Variants in SAMSN1 observed in about 807,000 individuals in gnomAD.
The protein encoded by SAMSN1 is SAM domain, SH3 domain and nuclear localization signals 1.
In SAMSN1, 31 loss-of-function variants were observed where a neutral mutation model predicts 42.0. The observed-to-expected ratio is 0.74, with a 90% CI of 0.55 to 1.00. SAMSN1 has a LOEUF of 1.00. SAMSN1 is among the 50% of genes least tolerant of loss of function. The probability of loss-of-function intolerance (pLI) is 0.00; values close to 1 mark genes in which losing one functional copy is unlikely to be tolerated. For synonymous variants in SAMSN1, 178 were observed against 151.9 expected (o/e 1.17, Z -1.26); for missense variants, 464 against 439.4 (o/e 1.06, Z -0.50).
chr21:14,508,906 G>A (rs1461606879), intron 5 of SAMSN1, among the ~76,000 whole-genome samples: 2 of 152,002 alleles, frequency 1.3e-5, no homozygotes, highest in Non-Finnish European at 2.9e-5. Context: ...GAGGTGGGTG[G>A]ATCACGAGGT....
upstream of SAMSN1, chr21:14,583,761 T>C (rs1412987581): frequency 7.0e-6 from 5 of 717,796 alleles, no homozygotes; most frequent in Non-Finnish European, 7.8e-6. Flanking sequence ...ACAGGGTCAC[T>C]GCCTGATTTT....
At chr21:14,591,078 A>C (rs1982068676) in intron 7 of SAMSN1, among the ~76,000 whole-genome samples, 1 of 152,204 alleles carries the variant, frequency 6.6e-6, no homozygotes, top group Non-Finnish European at 1.5e-5. Context: ...ATATTGATTG[A>C]AGAAATAATT....
rs1012580038 is a variant in SAMSN1 at position 14,588,940 on chromosome 21, TAATGTA to T, written c.465+5067_465+5072del. Among the ~76,000 whole-genome samples, 101 of 152,284 alleles carry T rather than the reference TAATGTA, an allele frequency of 6.6e-4. 1 individual carries two copies. The highest frequency in any genetic ancestry group is 2.8e-3 in the Admixed American group (43 of 15,296). ...TTCCATCAAAATGGTAATTATATGT[TAATGTA>T]AATGTAATTTTTCATATGTATATAT... On this transcript the variant is annotated intron_variant, in intron 7 of 15. Transcript: ENST00000647101.
At chr21:14,502,548 T>C (rs7278813) in intron 5 of SAMSN1, among the ~76,000 whole-genome samples, 10,916 of 152,186 alleles carry the variant, frequency 0.072, 1,206 homozygotes, top group African/African-American at 0.24. Flanking sequence ...GGAATTCCTG[T>C]TGTGTCCTGT....
intron 2 of SAMSN1, among the ~76,000 whole-genome samples, chr21:14,580,251 G>C (rs1313635145): frequency 6.6e-6 from 1 of 152,188 alleles, no homozygotes; most frequent in Non-Finnish European, 1.5e-5. Context: ...ATTCAGTTTG[G>C]CAGTTCGGCA....
chr21:14,500,385 A>T, intron 6 of SAMSN1, 144 bp downstream of exon 6: 1 of 659,906 alleles, frequency 1.5e-6, no homozygotes, highest in Non-Finnish European at 2.6e-6. Context: ...AATAAAAGAG[A>T]AATAAGAGCT....
At chr21:14,563,178 A>G (rs1981000518) in intron 2 of SAMSN1, among the ~76,000 whole-genome samples, 1 of 151,874 alleles carries the variant, frequency 6.6e-6, no homozygotes, top group East Asian at 1.9e-4. Context: ...ACCTCCTGAG[A>G]CACAACATGT....
intron 3 of SAMSN1, among the ~76,000 whole-genome samples, chr21:14,614,476 G>A (rs929463264): frequency 2.6e-5 from 4 of 152,026 alleles, no homozygotes; most frequent in African/African-American, 9.7e-5. Flanking sequence ...CATGTGTGTG[G>A]GTAAACACAC....
Position 14,581,487 on chromosome 21 carries a change from T to G in SAMSN1, c.261+649A>C, listed in dbSNP as rs1981728508. Among the ~76,000 whole-genome samples the G allele has an allele frequency of 3.4e-5, 5 of 147,938 alleles. No individual in the cohort carries two copies. The South Asian group carries it at 1.1e-3, about 33-fold the overall frequency. On this transcript the variant is annotated intron_variant, in intron 2 of 8. Transcript: ENST00000285670. ...CATTCTTCCGCCTCAGCCTCCCGAGTAGCTGGAACTACAGGTGCCCGCCAC... is the reference window on the plus strand; with the variant it reads ...CATTCTTCCGCCTCAGCCTCCCGAGGAGCTGGAACTACAGGTGCCCGCCAC...
At chr21:14,562,597 T>G (rs1038964095) in intron 2 of SAMSN1, among the ~76,000 whole-genome samples, 8 of 151,226 alleles carry the variant, frequency 5.3e-5, no homozygotes, top group African/African-American at 1.9e-4. Flanking sequence ...ATTTTGATAT[T>G]GATATTTTTA....
At chr21:14,585,895 G>A (rs147557001), upstream of SAMSN1, among the ~76,000 whole-genome samples, 36 of 152,126 alleles carry the variant, frequency 2.4e-4, no homozygotes, top group East Asian at 6.8e-3. Flanking sequence ...ATATCCAAGG[G>A]ATGAAATTTA....
At chr21:14,645,527 C>T (rs151041201) in intron 1 of SAMSN1, among the ~76,000 whole-genome samples, 37 of 152,322 alleles carry the variant, frequency 2.4e-4, no homozygotes, top group Non-Finnish European at 4.4e-4. Flanking sequence ...TCTGGAAAGC[C>T]TCCTCAAGAG....
chr21:14,494,160 C>T (rs1600858100), intron 7 of SAMSN1, among the ~76,000 whole-genome samples: 1 of 152,318 alleles, frequency 6.6e-6, no homozygotes, highest in East Asian at 1.9e-4. Context: ...GGCGATCCCT[C>T]ACAGATCTAG....
intron 6 of SAMSN1, among the ~76,000 whole-genome samples, chr21:14,599,575 T>G (rs1005384294): frequency 6.6e-6 from 1 of 152,196 alleles, no homozygotes; most frequent in Non-Finnish European, 1.5e-5. Flanking sequence ...GTTATGGGGC[T>G]GAATCCTTCT....
rs138554973 is a variant in SAMSN1, at chr21:14,537,771, A to T, written c.57+8434T>A. Among the ~76,000 whole-genome samples the T allele has an allele frequency of 2.2e-3, 329 of 152,246 alleles. 1 individual carries two copies. Among genetic ancestry groups the T allele is most frequent in the Non-Finnish European group, 3.7e-3 (249 of 68,014 alleles). On this transcript the variant is annotated intron_variant, in intron 1 of 7. Transcript: ENST00000400566. ...TAGGCTCCAAAAACCATCAACCTAG[A>T]GCATCATTTCCAAATTATAAAGTGC...
At chr21:14,502,359 A>C (rs1314782750) in intron 5 of SAMSN1, among the ~76,000 whole-genome samples, 1 of 152,144 alleles carries the variant, frequency 6.6e-6, no homozygotes, top group African/African-American at 2.4e-5. Context: ...TAGGCATGGA[A>C]ACCCTTCACT....
intron 3 of SAMSN1, among the ~76,000 whole-genome samples, chr21:14,615,651 A>G (rs1002989673): frequency 2.6e-5 from 4 of 152,222 alleles, no homozygotes; most frequent in African/African-American, 9.6e-5. Flanking sequence ...TTAGAAAAAT[A>G]CTTCAGAAGA....
intron 2 of SAMSN1, among the ~76,000 whole-genome samples, chr21:14,632,550 T>C (rs1237788121): frequency 2.0e-5 from 3 of 152,206 alleles, no homozygotes; most frequent in Non-Finnish European, 4.4e-5. Context: ...ATACAAATAA[T>C]ATTGTAATAC....
At chr21:14,604,275 G>A (rs1212650168) in intron 5 of SAMSN1, among the ~76,000 whole-genome samples, 2 of 152,154 alleles carry the variant, frequency 1.3e-5, no homozygotes, top group Non-Finnish European at 2.9e-5. Context: ...CCCATTCCGT[G>A]TGTTTTTTTG....
Sources: allele counts gnomAD v4.1 joint callset (sites outside exome capture counted in the v4.1 genomes callset), GRCh38; gene constraint gnomAD v4.1.1; transcripts MANE v1.5; gene names NCBI Gene and HGNC (gene_info 2026-07-23, HGNC 2026-07-21).